SYTL3: variants seen among roughly 807,000 people sequenced by gnomAD.
SYTL3 encodes the protein synaptotagmin like 3, also known as synaptotagmin-like protein 3.
In SYTL3, 88 loss-of-function variants were observed where a neutral mutation model predicts 82.1. The ratio of observed to expected loss-of-function variants is 1.07; its 90% confidence interval spans 0.90 to 1.28. The LOEUF (loss-of-function observed/expected upper bound fraction) is 1.28. Ranked by LOEUF, SYTL3 falls within the 50% of genes most tolerant of loss-of-function variation. SYTL3 has a pLI of 0.00. For synonymous variants in SYTL3, 311 were observed against 289.4 expected (o/e 1.07, Z -0.76); for missense variants, 831 against 757.6 (o/e 1.10, Z -1.14).
chr6:158,755,729 C>T lies in SYTL3; in HGVS notation c.1138-1482C>T, dbSNP rs138761360. 7.6e-4 allele frequency among the ~76,000 whole-genome samples: 115 copies of T among 152,306 alleles called. 1 individual carries two copies. Among genetic ancestry groups the T allele is most frequent in the African/African-American group, 2.3e-3 (96 of 41,572 alleles). On this transcript the variant is annotated intron_variant, in intron 13 of 17. Transcript: ENST00000611299. ...GAGATGAACCCCAAAGCAAACAAAC[C>T]GCACAGCTGCTGCAAATGGGTGCAA... is the stretch of plus-strand genomic sequence containing the variant.
At chr6:158,656,735 A>G (rs1312242128) in intron 2 of SYTL3, among the ~76,000 whole-genome samples, 1 of 152,006 alleles carries the variant, frequency 6.6e-6, no homozygotes, top group Non-Finnish European at 1.5e-5. Flanking sequence ...AAAAAAAAAA[A>G]AATCATCCAC....
chr6:158,760,793 G>GCACC, intron 15 of SYTL3, 48 bp downstream of exon 15: 9 of 1,482,652 alleles, frequency 6.1e-6, no homozygotes, highest in Non-Finnish European at 7.5e-6. Context: ...ATTGTCTGCA[G>GCACC]AGCCTGGTGC....
chr6:158,723,876 C>G (rs1784409153), intron 10 of SYTL3, among the ~76,000 whole-genome samples: 1 of 152,210 alleles, frequency 6.6e-6, no homozygotes, highest in South Asian at 2.1e-4. Flanking sequence ...TCCCCTCAGA[C>G]AACATCACAC....
At chr6:158,688,817 G>A (rs58316125) in intron 6 of SYTL3, among the ~76,000 whole-genome samples, 13,590 of 152,074 alleles carry the variant, frequency 0.089, 1,767 homozygotes, top group African/African-American at 0.29. Context: ...AGACTTTTTT[G>A]AAGTATTTAG....
At chr6:158,744,304 C>CTTTTTTTTTTTTTTTTTTTTTTTTT (rs869182913) in intron 11 of SYTL3, among the ~76,000 whole-genome samples, 4 of 99,208 alleles carry the variant, frequency 4.0e-5, no homozygotes, top group Admixed American at 1.4e-4. Flanking sequence ...CTTTTTCTTT[C>CTTTTTTTTTTTTTTTTTTTTTTTTT]TTTTTTTTTT....
chr6:158,745,283 T>C (rs1787474129), intron 11 of SYTL3, among the ~76,000 whole-genome samples, 197 bp from the exon 12 acceptor site: 1 of 100,884 alleles, frequency 9.9e-6, no homozygotes, highest in African/African-American at 4.7e-5. Context: ...GAGAGGGCCT[T>C]CTGAGGATTC....
At chr6:158,687,261 A>G (rs1367692839) in intron 6 of SYTL3, among the ~76,000 whole-genome samples, 1 of 152,202 alleles carries the variant, frequency 6.6e-6, no homozygotes, top group Non-Finnish European at 1.5e-5. Context: ...ATACCTGGCC[A>G]GTGACTGCTG....
intron 6 of SYTL3, among the ~76,000 whole-genome samples, chr6:158,701,214 G>C: frequency 2.2e-5 from 2 of 90,370 alleles, no homozygotes; most frequent in African/African-American, 1.4e-4. Flanking sequence ...GAGCTGGGGT[G>C]TAGATGAAGG....
At chr6:158,646,666 G>A (rs983278541), upstream of SYTL3, among the ~76,000 whole-genome samples, 15 of 152,194 alleles carry the variant, frequency 9.9e-5, no homozygotes, top group Non-Finnish European at 5.9e-5. Context: ...GAGACTTGCT[G>A]GGCAGGCTGG....
chr6:158,758,900 C>T (rs1440156047), intron 14 of SYTL3, among the ~76,000 whole-genome samples: 1 of 152,224 alleles, frequency 6.6e-6, no homozygotes, highest in Non-Finnish European at 1.5e-5. Flanking sequence ...CTCAGTGTCC[C>T]TTTGCTCCTG....
intron 5 of SYTL3, among the ~76,000 whole-genome samples, chr6:158,674,235 C>T (rs1777770761): frequency 6.6e-6 from 1 of 152,078 alleles, no homozygotes; most frequent in Non-Finnish European, 1.5e-5. Context: ...TTCTAGCCTG[C>T]CATTTCTGCT....
chr6:158,702,095 C>T (rs764174183), intron 6 of SYTL3, among the ~76,000 whole-genome samples: 10 of 151,938 alleles, frequency 6.6e-5, no homozygotes, highest in Non-Finnish European at 1.3e-4. Flanking sequence ...ACCTCAGCCT[C>T]CTGAGTAGCT....
At chr6:158,702,236 G>T (rs1242947551) in intron 6 of SYTL3, among the ~76,000 whole-genome samples, 1 of 148,252 alleles carries the variant, frequency 6.7e-6, no homozygotes, top group Non-Finnish European at 1.5e-5. Flanking sequence ...TGAGGCAGGA[G>T]AATCACTTGA....
At chr6:158,737,049 AAAAAC>A (rs1225698204) in intron 11 of SYTL3, among the ~76,000 whole-genome samples, 1 of 151,636 alleles carries the variant, frequency 6.6e-6, no homozygotes, top group African/African-American at 2.4e-5. Flanking sequence ...CAAAAAAAAA[AAAAAC>A]AACGAAAAAT....
At chr6:158,713,679 G>GCCCACACTCACTCGCACACA (rs2128463692) in intron 8 of SYTL3, 121 bp from the exon 9 acceptor site, 2 of 723,796 alleles carry the variant, frequency 2.8e-6, no homozygotes, top group Non-Finnish European at 4.9e-6. Flanking sequence ...CCAGCACCAC[G>GCCCACACTCACTCGCACACA]CCCACACTCA....
Position 158,683,810 on chromosome 6 carries a change from G to A in SYTL3, c.394+821G>A, listed in dbSNP as rs186552972. ...CAGTGAAGACCACAGTGAGTGAAGA[G>A]CGTTTGAACTGAGCAGAGGTTGATG... On this transcript the variant is annotated intron_variant, in intron 6 of 17. Transcript: ENST00000611299. 8.5e-5 allele frequency among the ~76,000 whole-genome samples: 13 copies of A among 152,362 alleles called. No homozygotes were observed. In the East Asian group the frequency reaches 2.5e-3, roughly 29 times the overall value.
At chr6:158,653,708 G>A (rs933279742) in intron 2 of SYTL3, among the ~76,000 whole-genome samples, 1 of 152,196 alleles carries the variant, frequency 6.6e-6, no homozygotes, top group Non-Finnish European at 1.5e-5. Context: ...GAAATGACCT[G>A]CAGGGCTGTG....
In SYTL3 at chr6:158,732,153, T is replaced by C. The variant is rs138765894; in HGVS notation, c.855+6516T>C. ...ATGTTCTGCTTAGTCTAATGTCCTA[T>C]ACAACACTAAAGGTTTAAAATAGAC... is the stretch of plus-strand genomic sequence containing the variant. On this transcript the variant is annotated intron_variant, in intron 11 of 17. Transcript: ENST00000611299. Among the ~76,000 whole-genome samples the C allele has an allele frequency of 1.9e-4, 29 of 152,344 alleles. No individual in the cohort carries two copies. In the East Asian group the frequency reaches 4.4e-3, roughly 23 times the overall value.
At chr6:158,662,293 A>G (rs191128864) in intron 3 of SYTL3, among the ~76,000 whole-genome samples, 1 of 152,238 alleles carries the variant, frequency 6.6e-6, no homozygotes, top group Non-Finnish European at 1.5e-5. Flanking sequence ...TTCAGCTGTC[A>G]TTAAACAAAA....
Sources: gnomAD v4.1 joint callset for allele counts (sites outside exome capture counted in the v4.1 genomes callset) on GRCh38, gnomAD v4.1.1 for gene constraint, MANE v1.5 for transcripts, NCBI Gene and HGNC (gene_info 2026-07-23, HGNC 2026-07-21) for gene names.